RAB27A: variants seen among roughly 807,000 people sequenced by gnomAD.
RAB27A encodes ras-related protein Rab-27A.
A neutral mutation model predicts 20.8 loss-of-function variants in RAB27A; 17 were observed. That is an observed-to-expected ratio of 0.82 (90% CI 0.56 to 1.23). RAB27A has a LOEUF of 1.23. RAB27A is among the 50% of genes most tolerant of loss of function. The pLI is 0.00. For synonymous variants in RAB27A, 85 were observed against 92.8 expected (o/e 0.92, Z 0.48); for missense variants, 277 against 266.7 (o/e 1.04, Z -0.27).
chr15:55,231,389 G>A lies in RAB27A; in HGVS notation c.154-903C>T, dbSNP rs75361500. ...CAACACTCCTAGAACAGCAGAGAAC[G>A]GACCATCAAAAATTTCTTCCTCCAC... On this transcript the variant is annotated intron_variant, in intron 3 of 6. Coordinates refer to ENST00000336787, the MANE Select transcript of RAB27A (RefSeq NM_183235.3). 2.8e-4 allele frequency among the ~76,000 whole-genome samples: 42 copies of A among 152,174 alleles called. No homozygotes were observed. The East Asian group carries it at 4.1e-3, about 15-fold the overall frequency.
intron 6 of RAB27A, among the ~76,000 whole-genome samples, chr15:55,216,188 A>AAC (rs1895295052): frequency 6.6e-6 from 1 of 152,184 alleles, no homozygotes; most frequent in African/African-American, 2.4e-5. Context: ...TCTTATTTCC[A>AAC]ACACAGAATT....
chr15:55,245,631 T>C (rs1451872636), intron 2 of RAB27A, among the ~76,000 whole-genome samples: 1 of 152,206 alleles, frequency 6.6e-6, no homozygotes, highest in Non-Finnish European at 1.5e-5. Context: ...TAGAAACTGT[T>C]GAGATCTTAA....
At chr15:55,206,014 C>T (rs1388052585) in intron 6 of RAB27A, among the ~76,000 whole-genome samples, 1 of 151,810 alleles carries the variant, frequency 6.6e-6, no homozygotes, top group Non-Finnish European at 1.5e-5. Context: ...AGTTTAAGAC[C>T]AGCCTGGCCA....
At chr15:55,215,371 G>A (rs964253859) in intron 6 of RAB27A, among the ~76,000 whole-genome samples, 4 of 152,072 alleles carry the variant, frequency 2.6e-5, no homozygotes, top group African/African-American at 4.8e-5. Context: ...AGTCATAACC[G>A]GCCGGGCGCG....
At chr15:55,310,754 G>A (rs2055016763) in intron 2 of RAB27A, among the ~76,000 whole-genome samples, 1 of 152,196 alleles carries the variant, frequency 6.6e-6, no homozygotes, top group East Asian at 1.9e-4. Flanking sequence ...TTTGCTCCGG[G>A]CCTAAGGCAG....
chr15:55,278,673 A>G (rs985043146), intron 1 of RAB27A, among the ~76,000 whole-genome samples: 16 of 151,946 alleles, frequency 1.1e-4, no homozygotes, highest in African/African-American at 3.6e-4. Flanking sequence ...TAGTAGAGAC[A>G]GGGTTTCACC....
chr15:55,241,624 A>ATATATATATATATATATATATATATATG (rs377301086), intron 2 of RAB27A, among the ~76,000 whole-genome samples: 6 of 117,662 alleles, frequency 5.1e-5, no homozygotes, highest in African/African-American at 2.6e-4. Context: ...ATATATATAT[A>ATATATATATATATATATATATATATATG]TGTGTGTATA....
At chr15:55,271,672 G>C (rs183022310) in intron 1 of RAB27A, among the ~76,000 whole-genome samples, 1 of 152,334 alleles carries the variant, frequency 6.6e-6, no homozygotes, top group Admixed American at 6.5e-5. Context: ...GACAGGGGTT[G>C]TATCTTGTTT....
chr15:55,308,095 A>T (rs776564765), intron 2 of RAB27A, among the ~76,000 whole-genome samples: 2 of 152,116 alleles, frequency 1.3e-5, no homozygotes, highest in African/African-American at 2.4e-5. Context: ...ATTACCCCAT[A>T]CTACGGGTCC....
At chr15:55,225,457 G>A (rs1895759397) in intron 5 of RAB27A, among the ~76,000 whole-genome samples, 1 of 152,194 alleles carries the variant, frequency 6.6e-6, no homozygotes, top group Non-Finnish European at 1.5e-5. Flanking sequence ...ACCAGCCTTA[G>A]CATAACCTAA....
At position 55,272,307 on chromosome 15, in the gene RAB27A, G is replaced by A. The variant is rs533915695; in HGVS notation, c.-142-2023C>T. ...CCAGCTACCCGGGAGGCTGAGGCAG[G>A]AGAATGCCGTGAACCCGGGAGGCGG... is the stretch of plus-strand genomic sequence containing the variant. On this transcript the variant is annotated intron_variant, in intron 1 of 6. Coordinates refer to ENST00000336787, the MANE Select transcript of RAB27A (RefSeq NM_183235.3). Among the ~76,000 whole-genome samples, 8 of 152,324 alleles carry A rather than the reference G, an allele frequency of 5.3e-5. No homozygotes were observed. In the East Asian group the frequency reaches 1.5e-3, roughly 29 times the overall value.
chr15:55,268,354 A>G (rs1350409131), intron 2 of RAB27A, among the ~76,000 whole-genome samples: 1 of 152,234 alleles, frequency 6.6e-6, no homozygotes, highest in Non-Finnish European at 1.5e-5. Context: ...ATGCCTTGGC[A>G]CTAATACAAA....
intron 2 of RAB27A, among the ~76,000 whole-genome samples, chr15:55,251,897 A>G (rs112141811): frequency 2.7e-4 from 41 of 152,258 alleles, no homozygotes; most frequent in African/African-American, 9.4e-4. Flanking sequence ...AACCATTACA[A>G]AGTTCCAGGG....
chr15:55,224,155 A>G, intron 5 of RAB27A, 143 bp from the exon 6 acceptor site: 2 of 658,520 alleles, frequency 3.0e-6, no homozygotes, highest in Non-Finnish European at 5.1e-6. Flanking sequence ...AGCATCAGTA[A>G]TCTTATCTGT....
chr15:55,282,090 T>C (rs1385286006), intron 1 of RAB27A, among the ~76,000 whole-genome samples: 1 of 152,112 alleles, frequency 6.6e-6, no homozygotes, highest in Non-Finnish European at 1.5e-5. Flanking sequence ...CATAGGGAAA[T>C]CATAATATAC....
Position 55,289,716 on chromosome 15 carries a change from C to T in RAB27A, c.-143G>A. The stretch of plus-strand genomic sequence containing the variant: ...CCTCCCGCTCCTCAGGCCCCCTCAC[C>T]TGGCTCGCCCCGCCGTCCTGTCCCC... On this transcript the variant is annotated splice_region_variant and 5_prime_UTR_variant, in exon 1 of 7. Transcript: ENST00000336787. 1 of 153,066 alleles carries T rather than the reference C, an allele frequency of 6.5e-6. No homozygotes were observed. The highest frequency in any genetic ancestry group is 2.4e-5 in the African/African-American group (1 of 41,572). The allele number at this position is 153,066 out of a possible 1,614,324, so 9.5% of individuals were successfully genotyped here.
chr15:55,307,373 A>G (rs1391319232), intron 2 of RAB27A, among the ~76,000 whole-genome samples: 3 of 152,078 alleles, frequency 2.0e-5, no homozygotes, highest in African/African-American at 4.8e-5. Flanking sequence ...TAGTAAGGCT[A>G]TAGACAACAG....
intron 6 of RAB27A, among the ~76,000 whole-genome samples, chr15:55,210,414 T>G (rs899806276): frequency 1.4e-5 from 2 of 143,414 alleles, no homozygotes; most frequent in South Asian, 2.1e-4. Flanking sequence ...TAGGTGTGGT[T>G]TTTTTTTTTT....
chr15:55,212,260 G>GC (rs1895063471), intron 6 of RAB27A, among the ~76,000 whole-genome samples: 1 of 152,152 alleles, frequency 6.6e-6, no homozygotes, highest in African/African-American at 2.4e-5. Flanking sequence ...ATGCTAGAAA[G>GC]TAGCAGAGTT....
Sources: allele counts gnomAD v4.1 joint callset (sites outside exome capture counted in the v4.1 genomes callset), GRCh38; gene constraint gnomAD v4.1.1; transcripts MANE v1.5; gene names NCBI Gene and HGNC (gene_info 2026-07-23, HGNC 2026-07-21).